The following DNAH8 variants were observed in gnomAD, a reference collection of about 807,000 sequenced individuals.
DNAH8 encodes the protein dynein axonemal heavy chain 8.
In DNAH8, 382 loss-of-function variants were observed where a neutral mutation model predicts 562.1. The observed-to-expected ratio is 0.68, with a 90% confidence interval of 0.63 to 0.74. The LOEUF (loss-of-function observed/expected upper bound fraction) is 0.74. Among genes scored for constraint, DNAH8 ranks in the 30% least tolerant of loss-of-function variants. The pLI, the probability that DNAH8 is intolerant of heterozygous loss-of-function variation, is 0.00. For missense variants in DNAH8, 5,203 were observed against 5,620.4 expected (o/e 0.93, Z 2.37); for synonymous variants, 1,881 against 1,919.4 (o/e 0.98, Z 0.52).
rs1261814599 is a variant in DNAH8, at chr6:38,954,635, G to A, written c.12451+3115G>A. On this transcript the variant is annotated intron_variant, in intron 82 of 92. Transcript: ENST00000327475. ...GGAGAATGGCGTGAACCCGGGAGGC[G>A]GAGCTTGCAGTGAGTCGAGATCGCG... Among the ~76,000 whole-genome samples, 2 of 2,192 alleles carry A rather than the reference G, an allele frequency of 9.1e-4. 1 individual carries two copies. The highest frequency in any genetic ancestry group is 1.6e-3 in the Non-Finnish European group (2 of 1,264). The allele number at this position is 2,192 out of a possible 152,430, so 1.4% of individuals were successfully genotyped here.
rs554247364 is a variant in DNAH8, at chr6:38,964,428, C to T, written c.12452-7164C>T. On this transcript the variant is annotated intron_variant, in intron 82 of 92. Transcript: ENST00000327475. ...GGGGCTCCTCACTTCCCAGTAGGGG[C>T]GGCCGGGCAGAGGCGCCCCTCACTG... Among the ~76,000 whole-genome samples the T allele has an allele frequency of 2.2e-4, 31 of 141,878 alleles. No individual in the cohort carries two copies. In the South Asian group the frequency reaches 6.2e-3, roughly 28 times the overall value. 93.1% of individuals were successfully genotyped at this position (141,878 alleles called of 152,430 possible). A position where few individuals can be genotyped will look rare whatever the true frequency, so the allele number is the denominator to read the frequency against.
intron 47 of DNAH8, 70 bp from the exon 48 acceptor site, chr6:38,867,992 T>G (rs1282539223): frequency 2.7e-6 from 4 of 1,504,250 alleles, no homozygotes; most frequent in Non-Finnish European, 3.6e-6. Context: ...CCTATATGCA[T>G]AGAGTGAGCC....
At chr6:38,785,408 T>A (rs1769053486) in intron 17 of DNAH8, among the ~76,000 whole-genome samples, 1 of 152,230 alleles carries the variant, frequency 6.6e-6, no homozygotes, top group Non-Finnish European at 1.5e-5. Flanking sequence ...GTTTTAGTTG[T>A]CTTGACCTTT....
intron 24 of DNAH8, among the ~76,000 whole-genome samples, chr6:38,813,762 C>A (rs1772006115): frequency 6.6e-6 from 1 of 151,994 alleles, no homozygotes; most frequent in Non-Finnish European, 1.5e-5. Context: ...TGTTGCAGGG[C>A]TGGGAACAAA....
intron 8 of DNAH8, among the ~76,000 whole-genome samples, chr6:38,747,854 T>C (rs567821739): frequency 6.6e-6 from 1 of 152,372 alleles, no homozygotes; most frequent in Admixed American, 6.5e-5. Context: ...CTTAGTTTTA[T>C]ATATTTTTGA....
chr6:38,749,821 A>C (rs1582898759), intron 8 of DNAH8, among the ~76,000 whole-genome samples: 1 of 152,094 alleles, frequency 6.6e-6, no homozygotes. Flanking sequence ...TGTTTTGAAT[A>C]ATGTTCTTTT....
intron 30 of DNAH8, 146 bp from the exon 31 acceptor site, chr6:38,832,176 G>A: frequency 1.7e-6 from 1 of 603,838 alleles, no homozygotes; most frequent in Non-Finnish European, 2.9e-6. Context: ...GTTCATTTGG[G>A]TTATTAATAT....
Position 38,883,998 on chromosome 6 carries a change from G to C in DNAH8, c.8259G>C (p.Gln2753His). 6.5e-7 allele frequency: 1 copy of C among 1,538,986 alleles called. No homozygotes were observed. The highest frequency in any genetic ancestry group is 8.8e-7 in the Non-Finnish European group (1 of 1,139,634). The change falls in exon 56 of 93, where the codon CAG becomes CAC. Residue 2753 changes from glutamine (Q) to histidine (H), a missense_variant and splice_region_variant. Gln to His is a conservative substitution (Grantham distance 24). Transcript: ENST00000327475. Reference sequence around the variant, plus strand: ...CTGTGATTAATGAGTGGGGAGATCAGGTATGGCTGAAATATCTCATATAGA... The same window carrying C: ...CTGTGATTAATGAGTGGGGAGATCACGTATGGCTGAAATATCTCATATAGA... ...NMPVINEWGD[Q>H]ITNEIVRQMM...
rs529830726 is a variant in DNAH8 at position 38,910,560 on chromosome 6, T to C, written c.9740+816T>C. Among the ~76,000 whole-genome samples the C allele has an allele frequency of 9.2e-5, 14 of 152,370 alleles. No homozygotes were observed. In the South Asian group the frequency reaches 1.0e-3, roughly 11 times the overall value. Reference sequence around the variant, plus strand: ...TGAATCAGTGTATACTAATTCTTACTGTTAAGAAGATTTTCTTTCTATTTG... The same window carrying C: ...TGAATCAGTGTATACTAATTCTTACCGTTAAGAAGATTTTCTTTCTATTTG... On this transcript the variant is annotated intron_variant, in intron 65 of 92. Coordinates refer to ENST00000327475, the MANE Select transcript of DNAH8 (RefSeq NM_001206927.2).
intron 10 of DNAH8, among the ~76,000 whole-genome samples, chr6:38,760,492 T>C (rs995274202): frequency 2.0e-5 from 3 of 152,020 alleles, no homozygotes; most frequent in Admixed American, 2.0e-4. Flanking sequence ...TGTTCTACAC[T>C]TGCTGAGTTG....
Position 38,822,969 on chromosome 6 carries a change from G to T in DNAH8, c.3655G>T (p.Glu1219Ter). ...AAATTCCCTAAGAAAGGCAGCTCATGAGGCCCTGCAGGACTTTCAGAAGTA... is the reference window on the plus strand; with the variant it reads ...AAATTCCCTAAGAAAGGCAGCTCATTAGGCCCTGCAGGACTTTCAGAAGTA... ...SVNSLRKAAH[E>*]ALQDFQKYKT... Residue 1219 changes from glutamate (E) to a stop codon, truncating the protein, a stop_gained, in exon 27 of 93, where the codon GAG (glutamate) becomes TAG (stop). Coordinates refer to ENST00000327475, the MANE Select transcript of DNAH8 (RefSeq NM_001206927.2). LOFTEE classifies it high-confidence loss of function. 6.2e-7 allele frequency: 1 copy of T among 1,613,352 alleles called. No individual in the cohort carries two copies. The highest frequency in any genetic ancestry group is 8.5e-7 in the Non-Finnish European group (1 of 1,179,708).
rs540275798 is a variant in DNAH8, at chr6:38,934,563, C to T, written c.11458-1029C>T. On this transcript the variant is annotated intron_variant, in intron 76 of 92. Transcript: ENST00000327475. ...TAAGTTTTAAAACACCTTCTTTTAA[C>T]GTAATTCTAAGTGCAGCATGTGATT... Among the ~76,000 whole-genome samples, 18 of 152,188 alleles carry T rather than the reference C, an allele frequency of 1.2e-4. No homozygotes were observed. The East Asian group carries it at 2.7e-3, about 23-fold the overall frequency.
At chr6:38,757,759 T>C (rs968462553) in intron 10 of DNAH8, among the ~76,000 whole-genome samples, 13 of 152,290 alleles carry the variant, frequency 8.5e-5, no homozygotes, top group African/African-American at 2.2e-4. Context: ...GTTTTCCCAG[T>C]GCCATTTATT....
In DNAH8 at chr6:38,898,240, C is replaced by T; in HGVS notation, c.8941-18C>T. On this transcript the variant is annotated intron_variant, in intron 60 of 92. Transcript: ENST00000327475. Reference sequence around the variant, plus strand: ...TGGATCTTAAATATTATTTTTTTATCTTTCTCTCCACCCATAGATGCCATC... The same window carrying T: ...TGGATCTTAAATATTATTTTTTTATTTTTCTCTCCACCCATAGATGCCATC... The T allele has an allele frequency of 6.4e-7, 1 of 1,567,838 alleles. No individual in the cohort carries two copies. The highest frequency in any genetic ancestry group is 8.6e-7 in the Non-Finnish European group (1 of 1,164,358).
At chr6:38,832,245 T>A (rs1325339039) in intron 30 of DNAH8, 77 bp from the exon 31 acceptor site, 25 of 840,988 alleles carry the variant, frequency 3.0e-5, no homozygotes, top group Non-Finnish European at 4.9e-5. Context: ...TGAGATACAC[T>A]TGTTGGAATA....
At chr6:38,919,730 T>G (rs1336944632) in intron 70 of DNAH8, among the ~76,000 whole-genome samples, 1 of 152,176 alleles carries the variant, frequency 6.6e-6, no homozygotes, top group East Asian at 1.9e-4. Context: ...AAACTTTACA[T>G]TAAAATGAAC....
At chr6:38,847,278 C>T (rs145497329) in intron 36 of DNAH8, among the ~76,000 whole-genome samples, 27 of 151,978 alleles carry the variant, frequency 1.8e-4, no homozygotes, top group African/African-American at 5.8e-4. Flanking sequence ...TCAGATCTCC[C>T]TTTTCCATCT....
At chr6:38,892,711 T>A (rs990924550) in intron 58 of DNAH8, among the ~76,000 whole-genome samples, 4 of 152,172 alleles carry the variant, frequency 2.6e-5, no homozygotes, top group Admixed American at 6.5e-5. Context: ...TGATATTTTT[T>A]AAAAAGTAAA....
intron 88 of DNAH8, among the ~76,000 whole-genome samples, chr6:39,003,462 A>C: frequency 6.6e-6 from 1 of 152,194 alleles, no homozygotes; most frequent in Non-Finnish European, 1.5e-5. Flanking sequence ...CTACATTCTT[A>C]TTGAGAAGCA....
Sources: allele counts gnomAD v4.1 joint callset (sites outside exome capture counted in the v4.1 genomes callset), GRCh38; gene constraint gnomAD v4.1.1; transcripts MANE v1.5; gene names NCBI Gene and HGNC (gene_info 2026-07-23, HGNC 2026-07-21).